Variants in WDR27 observed in about 807,000 individuals in gnomAD.
WDR27 encodes the protein WD repeat-containing protein 27.
A neutral mutation model predicts 114.4 loss-of-function variants in WDR27; 100 were observed. The ratio of observed to expected loss-of-function variants is 0.87; its 90% CI spans 0.74 to 1.03. The LOEUF is 1.03. Among genes scored for constraint, WDR27 ranks in the 50% least tolerant of loss-of-function variants. The pLI, the probability that WDR27 is intolerant of heterozygous loss-of-function variation, is 0.00. For synonymous variants in WDR27, 449 were observed against 423.1 expected (o/e 1.06, Z -0.75); for missense variants, 1,129 against 1,092.9 (o/e 1.03, Z -0.47).
chr6:169,631,003 T>A (rs1816213546), intron 21 of WDR27, among the ~76,000 whole-genome samples: 1 of 152,240 alleles, frequency 6.6e-6, no homozygotes, highest in Admixed American at 6.5e-5. Flanking sequence ...ATTAGTAGTA[T>A]CAGATCATGG....
chr6:169,544,257 A>G (rs1229259884), intron 25 of WDR27, among the ~76,000 whole-genome samples: 1 of 152,142 alleles, frequency 6.6e-6, no homozygotes, highest in Non-Finnish European at 1.5e-5. Context: ...AGGCAAGAGT[A>G]GGACAGATTT....
chr6:169,647,997 A>G (rs1415557630), intron 15 of WDR27, 127 bp from the exon 16 acceptor site: 1 of 612,734 alleles, frequency 1.6e-6, no homozygotes, highest in Non-Finnish European at 2.8e-6. Context: ...GTAAACTTGA[A>G]TATTTATCTA....
intron 25 of WDR27, among the ~76,000 whole-genome samples, chr6:169,554,125 A>G (rs1460341476): frequency 1.3e-5 from 2 of 152,224 alleles, no homozygotes; most frequent in Non-Finnish European, 2.9e-5. Flanking sequence ...CAAGTGGAAT[A>G]AGGCAACTCA....
intron 14 of WDR27, among the ~76,000 whole-genome samples, chr6:169,650,341 CCCT>C (rs1822028830): frequency 6.8e-6 from 1 of 146,576 alleles, no homozygotes; most frequent in Non-Finnish European, 1.5e-5. Flanking sequence ...ACTCATCCAT[CCCT>C]CATCTCTGCA....
At chr6:169,480,079 G>A (rs796668492) in intron 25 of WDR27, among the ~76,000 whole-genome samples, 18 of 152,292 alleles carry the variant, frequency 1.2e-4, no homozygotes, top group African/African-American at 3.8e-4. Flanking sequence ...TGGCGCTCGC[G>A]GGCCAGCGTG....
At chr6:169,597,877 TACACACACACACACACACACACACAC>T (rs67336814) in intron 23 of WDR27, among the ~76,000 whole-genome samples, 1 of 142,222 alleles carries the variant, frequency 7.0e-6, no homozygotes, top group Non-Finnish European at 1.5e-5. Flanking sequence ...TTACCATTCA[TACACACACACACACACACACACACAC>T]ACACACACAC....
At chr6:169,519,681 T>C (rs1423896670) in intron 25 of WDR27, among the ~76,000 whole-genome samples, 1 of 152,112 alleles carries the variant, frequency 6.6e-6, no homozygotes, top group East Asian at 1.9e-4. Context: ...ACATGAGATT[T>C]GGGTGGTGGG....
chr6:169,689,169 A>G, intron 1 of WDR27, 157 bp from the exon 2 acceptor site: 1 of 501,480 alleles, frequency 2.0e-6, no homozygotes, highest in East Asian at 3.4e-5. Flanking sequence ...AAGAAGAGAA[A>G]TTGCCGAAAA....
intron 17 of WDR27, among the ~76,000 whole-genome samples, chr6:169,642,617 G>A (rs57637404): frequency 0.19 from 28,426 of 152,116 alleles, 2,793 homozygotes; most frequent in Non-Finnish European, 0.2. Flanking sequence ...TGCAGGGGGC[G>A]GCAGCTTTGC....
rs138839239 is a variant in WDR27 at position 169,484,281 on chromosome 6, G to A, written c.2646-26647C>T. On this transcript the variant is annotated intron_variant, in intron 25 of 25. Coordinates refer to ENST00000448612, the MANE Select transcript of WDR27 (RefSeq NM_182552.5). ...GATTCTATATCTACAAAACCCTATCGTCTCAGCCCAAAAGCTCCTTGATCT... is the reference window on the plus strand; with the variant it reads ...GATTCTATATCTACAAAACCCTATCATCTCAGCCCAAAAGCTCCTTGATCT... Among the ~76,000 whole-genome samples the A allele has an allele frequency of 5.3e-5, 8 of 152,250 alleles. No individual in the cohort carries two copies. The East Asian group carries it at 5.8e-4, about 11-fold the overall frequency.
chr6:169,567,349 G>A (rs1408295273), intron 25 of WDR27, among the ~76,000 whole-genome samples: 1 of 152,200 alleles, frequency 6.6e-6, no homozygotes, highest in East Asian at 1.9e-4. Context: ...GCAGAACAGT[G>A]CATGTGCCTG....
At chr6:169,450,599 G>A in the WDR27 span, among the ~76,000 whole-genome samples, 1 of 152,180 alleles carries the variant, frequency 6.6e-6, no homozygotes, top group Admixed American at 6.5e-5. Context: ...GGATGACAGA[G>A]CTCACCCATC....
Position 169,684,831 on chromosome 6 carries a change from C to A in WDR27, c.189+3986G>T, listed in dbSNP as rs1457370212. Among the ~76,000 whole-genome samples, 1 of 152,198 alleles carries A rather than the reference C, an allele frequency of 6.6e-6. No homozygotes were observed. The highest frequency in any genetic ancestry group is 1.5e-5 in the Non-Finnish European group (1 of 68,032). ...GAAACAGCCCCAGGAGCTGCCCCAG[C>A]AGATATGTCCCCACGCTGGCCAAGC... On this transcript the variant is annotated intron_variant, in intron 2 of 25. Coordinates refer to ENST00000448612, the MANE Select transcript of WDR27 (RefSeq NM_182552.5). The surrounding 1 kb of genome is among the most constrained non-coding windows in gnomAD (Gnocchi z 4.3).
At chr6:169,667,291 G>T in intron 5 of WDR27, 104 bp from the exon 6 acceptor site, 1 of 1,275,246 alleles carries the variant, frequency 7.8e-7, no homozygotes, top group South Asian at 3.2e-5. Flanking sequence ...CAACACAAAT[G>T]GTTATCTAAA....
intron 2 of WDR27, among the ~76,000 whole-genome samples, chr6:169,678,224 G>A (rs1780567199): frequency 6.6e-6 from 1 of 152,176 alleles, no homozygotes; most frequent in Non-Finnish European, 1.5e-5. Flanking sequence ...CAGCCACAAG[G>A]GCTGAACCTT....
chr6:169,642,784 C>G (rs564822471), intron 17 of WDR27, among the ~76,000 whole-genome samples: 20 of 152,224 alleles, frequency 1.3e-4, no homozygotes, highest in Non-Finnish European at 2.5e-4. Flanking sequence ...CTGTCTCTGT[C>G]CCCAACTCAG....
intron 2 of WDR27, among the ~76,000 whole-genome samples, chr6:169,677,797 C>T (rs911845299): frequency 6.6e-6 from 1 of 152,264 alleles, no homozygotes; most frequent in African/African-American, 2.4e-5. Flanking sequence ...CTCCCGTCTC[C>T]AGCTCTGGCC....
intron 25 of WDR27, among the ~76,000 whole-genome samples, chr6:169,552,757 A>G (rs1239724699): frequency 5.3e-5 from 8 of 152,212 alleles, no homozygotes; most frequent in Admixed American, 5.2e-4. Context: ...GTATTACCAT[A>G]TATGTAAAAA....
At chr6:169,465,181 C>A (rs1055631794) in intron 25 of WDR27, among the ~76,000 whole-genome samples, 2 of 148,072 alleles carry the variant, frequency 1.4e-5, no homozygotes, top group Non-Finnish European at 3.0e-5. Flanking sequence ...TCACTTGAAC[C>A]TGGGAGGTGG....
Sources: gnomAD v4.1 joint callset for allele counts (sites outside exome capture counted in the v4.1 genomes callset) on GRCh38, gnomAD v4.1.1 for gene constraint, Gnocchi (gnomAD v3.1) non-coding constraint, MANE v1.5 for transcripts, NCBI Gene and HGNC (gene_info 2026-07-23, HGNC 2026-07-21) for gene names.